Variants in SPNS3 observed in about 807,000 individuals in gnomAD.
SPNS3 encodes protein spinster homolog 3.
In SPNS3, 51 loss-of-function variants were observed where a neutral mutation model predicts 54.4. That is an observed-to-expected ratio of 0.94 (90% CI 0.75 to 1.18). The LOEUF (loss-of-function observed/expected upper bound fraction) is 1.18. Ranked by LOEUF, SPNS3 falls within the 50% of genes most tolerant of loss-of-function variation. The pLI, the probability that SPNS3 is intolerant of heterozygous loss-of-function variation, is 0.00. For missense variants in SPNS3, 669 were observed against 677.4 expected (o/e 0.99, Z 0.14); for synonymous variants, 309 against 294.7 (o/e 1.05, Z -0.50).
intron 7 of SPNS3, 74 bp from the exon 8 acceptor site, chr17:4,452,942 G>A: frequency 6.9e-7 from 1 of 1,444,586 alleles, no homozygotes; most frequent in Non-Finnish European, 9.5e-7. Context: ...CTAGACCTGG[G>A]GCTGGGAGCA....
At chr17:4,468,771 T>TTCTTTCTCTC (rs1266906325) in intron 8 of SPNS3, among the ~76,000 whole-genome samples, 1 of 53,656 alleles carries the variant, frequency 1.9e-5, no homozygotes, top group African/African-American at 6.0e-5. Context: ...CTCTCTTTCT[T>TTCTTTCTCTC]TTTCTTTCTT....
Position 4,476,682 on chromosome 17 carries a change from G to A in SPNS3, c.1114-1890G>A, listed in dbSNP as rs563855875. 1.8e-4 allele frequency among the ~76,000 whole-genome samples: 28 copies of A among 152,294 alleles called. 1 individual carries two copies. Among genetic ancestry groups the A allele is most frequent in the Admixed American group, 8.5e-4 (13 of 15,302 alleles). ...CCCCGCCTGAGACCTGCCTGCCAGC[G>A]ACTTCCTGATTCCTGCCCCTGTGGG... is the stretch of plus-strand genomic sequence containing the variant. On this transcript the variant is annotated intron_variant, in intron 8 of 11. Coordinates refer to ENST00000355530, the MANE Select transcript of SPNS3 (RefSeq NM_182538.5).
intron 2 of SPNS3, among the ~76,000 whole-genome samples, chr17:4,441,087 G>A (rs1396306893): frequency 1.3e-5 from 2 of 152,160 alleles, no homozygotes; most frequent in Non-Finnish European, 2.9e-5. Context: ...AGCTCCAAGA[G>A]TTTGGATGAA....
intron 5 of SPNS3, 44 bp downstream of exon 5, chr17:4,447,006 C>G: frequency 6.2e-7 from 1 of 1,606,346 alleles, no homozygotes; most frequent in Non-Finnish European, 8.5e-7. Context: ...CCCTCTGGAC[C>G]GGCAGGGACT....
At chr17:4,476,511 A>AG (rs1231751729) in intron 8 of SPNS3, among the ~76,000 whole-genome samples, 1 of 152,094 alleles carries the variant, frequency 6.6e-6, no homozygotes, top group Admixed American at 6.5e-5. Flanking sequence ...GGCAATGTGA[A>AG]GGGGGGAGAG....
chr17:4,447,077 G>A (rs1971017277), intron 5 of SPNS3, 115 bp downstream of exon 5: 7 of 1,094,202 alleles, frequency 6.4e-6, no homozygotes, highest in Non-Finnish European at 6.7e-6. Flanking sequence ...GGGGGACGGG[G>A]GGTGGTGGTC....
chr17:4,445,842 T>C (rs1296644382), intron 3 of SPNS3, among the ~76,000 whole-genome samples: 2 of 151,996 alleles, frequency 1.3e-5, no homozygotes, highest in African/African-American at 4.8e-5. Context: ...AGGGCTCCCC[T>C]GGGCAGGGGG....
intron 2 of SPNS3, among the ~76,000 whole-genome samples, chr17:4,441,547 T>A (rs1303846047): frequency 6.6e-6 from 1 of 152,162 alleles, no homozygotes; most frequent in African/African-American, 2.4e-5. Flanking sequence ...ACCTTCTCGA[T>A]TAAATAGATA....
intron 9 of SPNS3, among the ~76,000 whole-genome samples, chr17:4,478,999 A>G (rs1359970547): frequency 6.6e-6 from 1 of 151,970 alleles, no homozygotes; most frequent in Non-Finnish European, 1.5e-5. Context: ...CTGGAGTGCA[A>G]TGGCCTGATC....
intron 8 of SPNS3, among the ~76,000 whole-genome samples, chr17:4,470,103 G>C (rs1368349252): frequency 6.6e-6 from 1 of 152,040 alleles, no homozygotes; most frequent in Non-Finnish European, 1.5e-5. Context: ...ATATAGTAGT[G>C]CAATTTTTAA....
chr17:4,458,433 TCCTC>T (rs920883046), intron 8 of SPNS3, among the ~76,000 whole-genome samples: 11 of 94,604 alleles, frequency 1.2e-4, no homozygotes, highest in East Asian at 2.2e-4. Flanking sequence ...TTTCTTTCCT[TCCTC>T]CCTCCCTCCC....
intron 2 of SPNS3, among the ~76,000 whole-genome samples, chr17:4,444,777 G>A (rs931325260): frequency 2.6e-5 from 4 of 152,134 alleles, no homozygotes; most frequent in African/African-American, 9.7e-5. Context: ...TCCAGTGTTG[G>A]GGTGACACTC....
rs569525196 is a variant in SPNS3, at chr17:4,451,833, T to C, written c.924-1183T>C. On this transcript the variant is annotated intron_variant, in intron 7 of 11. Transcript: ENST00000355530. ...ACAGGTGCCCACCACTGTTCCCAGC[T>C]AATTTTTGTATTTTTTTTTTTTTTT... 2.7e-3 allele frequency among the ~76,000 whole-genome samples: 394 copies of C among 146,736 alleles called. 2 individuals carry two copies. Among genetic ancestry groups the C allele is most frequent in the Middle Eastern group, 0.018 (5 of 284 alleles).
chr17:4,461,258 C>T (rs1316088076), intron 8 of SPNS3, among the ~76,000 whole-genome samples: 1 of 149,318 alleles, frequency 6.7e-6, no homozygotes, highest in African/African-American at 2.5e-5. Context: ...GTCAGTTTAT[C>T]TAAAGGTTTG....
At chr17:4,461,295 C>G (rs565373299) in intron 8 of SPNS3, among the ~76,000 whole-genome samples, 185 of 150,104 alleles carry the variant, frequency 1.2e-3, no homozygotes, top group African/African-American at 4.4e-3. Flanking sequence ...TTTCAAAGAA[C>G]CAACTTTTGG....
chr17:4,487,229 A>C (rs1221109121), intron 11 of SPNS3, among the ~76,000 whole-genome samples: 1 of 151,094 alleles, frequency 6.6e-6, no homozygotes, highest in Non-Finnish European at 1.5e-5. Context: ...TCCCCACTGC[A>C]CAGGCGAAAC....
intron 8 of SPNS3, among the ~76,000 whole-genome samples, chr17:4,457,462 C>T (rs1218874853): frequency 6.6e-6 from 1 of 152,220 alleles, no homozygotes; most frequent in African/African-American, 2.4e-5. Context: ...CTTCATAGTG[C>T]ACTGATCCAG....
intron 8 of SPNS3, among the ~76,000 whole-genome samples, chr17:4,458,530 T>G (rs1319454786): frequency 9.4e-5 from 10 of 106,200 alleles, no homozygotes; most frequent in African/African-American, 1.9e-4. Context: ...CCACCCGCCT[T>G]CCTTCCTTCC....
chr17:4,434,010 G>A lies in SPNS3; in HGVS notation c.43G>A (p.Gly15Arg), dbSNP rs1477378967. ...MSAECPEPGP[G>R]GLQGQSPGPG... The stretch of plus-strand genomic sequence containing the variant: ...AGCGGAGTGCCCTGAGCCTGGGCCA[G>A]GAGGTCTGCAGGGCCAGTCCCCAGG... Residue 15 changes from glycine to arginine, a missense_variant, in exon 1 of 12, where the codon GGA (glycine) becomes AGA (arginine). Transcript: ENST00000355530. 2.5e-6 allele frequency: 4 copies of A among 1,596,604 alleles called. No individual in the cohort carries two copies. The highest frequency in any genetic ancestry group is 3.4e-6 in the Non-Finnish European group (4 of 1,170,856).
Sources: allele counts gnomAD v4.1 joint callset (sites outside exome capture counted in the v4.1 genomes callset), GRCh38; gene constraint gnomAD v4.1.1; transcripts MANE v1.5; gene names NCBI Gene and HGNC (gene_info 2026-07-23, HGNC 2026-07-21).